Variants in AGMO observed in about 807,000 individuals in gnomAD.
AGMO encodes glyceryl-ether monooxygenase.
Under a neutral mutation model 60.2 loss-of-function variants are expected in AGMO, and 75 were observed. The ratio of observed to expected loss-of-function variants is 1.25; its 90% CI spans 1.03 to 1.51. AGMO has a LOEUF of 1.51. Among genes scored for constraint, AGMO ranks in the 40% most tolerant of loss-of-function variants. AGMO has a pLI of 0.00. For missense variants in AGMO, 763 were observed against 525.5 expected (o/e 1.45, Z -4.42); for synonymous variants, 261 against 177.1 (o/e 1.47, Z -3.76).
intron 12 of AGMO, among the ~76,000 whole-genome samples, chr7:15,321,118 T>A (rs1453731243): frequency 6.6e-6 from 1 of 152,190 alleles, no homozygotes; most frequent in Non-Finnish European, 1.5e-5. Flanking sequence ...CCACTATTTT[T>A]GTTGCTATTG....
chr7:15,368,547 G>A (rs1054136131), intron 10 of AGMO, among the ~76,000 whole-genome samples: 4 of 152,052 alleles, frequency 2.6e-5, no homozygotes, highest in South Asian at 2.1e-4. Flanking sequence ...TCAGCTATGC[G>A]TTTGGTACAT....
At chr7:15,364,108 C>T (rs546552005) in intron 12 of AGMO, among the ~76,000 whole-genome samples, 7 of 151,890 alleles carry the variant, frequency 4.6e-5, no homozygotes, top group South Asian at 2.1e-4. Flanking sequence ...GTATGCTTCA[C>T]GGTTTAAATT....
intron 3 of AGMO, among the ~76,000 whole-genome samples, chr7:15,479,520 A>C (rs1176204164): frequency 2.6e-5 from 4 of 152,172 alleles, no homozygotes; most frequent in African/African-American, 9.7e-5. Flanking sequence ...GATTATGTAA[A>C]TATTTCCACA....
intron 5 of AGMO, among the ~76,000 whole-genome samples, chr7:15,416,032 T>C (rs199839629): frequency 7.9e-5 from 10 of 126,640 alleles, no homozygotes; most frequent in South Asian, 2.8e-4. Context: ...TTTTTCTTTT[T>C]TTTTTTTTTT....
chr7:15,284,314 CA>C (rs1784045031), intron 12 of AGMO, among the ~76,000 whole-genome samples: 1 of 151,788 alleles, frequency 6.6e-6, no homozygotes, highest in Non-Finnish European at 1.5e-5. Flanking sequence ...AAAACAAAAA[CA>C]AATTGATAGA....
At chr7:15,267,462 G>A (rs1200496304) in intron 12 of AGMO, among the ~76,000 whole-genome samples, 1 of 151,882 alleles carries the variant, frequency 6.6e-6, no homozygotes, top group African/African-American at 2.4e-5. Flanking sequence ...ACATTGACAT[G>A]CACCAAAAAT....
At chr7:15,437,777 T>C (rs1781442070) in intron 3 of AGMO, among the ~76,000 whole-genome samples, 2 of 152,122 alleles carry the variant, frequency 1.3e-5, no homozygotes, top group African/African-American at 4.8e-5. Flanking sequence ...CCTGACCTCG[T>C]GATCCGCCCG....
intron 10 of AGMO, among the ~76,000 whole-genome samples, chr7:15,375,312 A>G (rs1349540278): frequency 6.6e-6 from 1 of 151,004 alleles, no homozygotes; most frequent in Non-Finnish European, 1.5e-5. Flanking sequence ...CCTTTTCATT[A>G]TTTTCCAAAA....
intron 12 of AGMO, among the ~76,000 whole-genome samples, chr7:15,310,359 C>G (rs1190584017): frequency 6.6e-6 from 1 of 151,268 alleles, no homozygotes; most frequent in East Asian, 1.9e-4. Flanking sequence ...GGGGCCCCTG[C>G]AAAAAAAATT....
the AGMO span, among the ~76,000 whole-genome samples, chr7:15,188,614 A>G: frequency 6.6e-6 from 1 of 152,162 alleles, no homozygotes; most frequent in Non-Finnish European, 1.5e-5. Context: ...AGTATAGACA[A>G]TTAAGAATTT....
intron 12 of AGMO, among the ~76,000 whole-genome samples, chr7:15,344,494 G>C (rs960541751): frequency 2.6e-5 from 4 of 152,096 alleles, no homozygotes; most frequent in Admixed American, 1.3e-4. Context: ...GAGATCAGGA[G>C]TTCAAGATAA....
chr7:15,224,659 C>T (rs1782023343), intron 12 of AGMO, among the ~76,000 whole-genome samples: 1 of 151,998 alleles, frequency 6.6e-6, no homozygotes, highest in Admixed American at 6.6e-5. Flanking sequence ...CCCTTATTGC[C>T]TCATGTCCCT....
chr7:15,446,405 A>C (rs555877744), intron 3 of AGMO, among the ~76,000 whole-genome samples: 6 of 152,268 alleles, frequency 3.9e-5, no homozygotes, highest in South Asian at 2.1e-4. Context: ...ACCAAAAAAA[A>C]CCCCAGCTCT....
chr7:15,253,720 CT>C (rs1406963892), intron 12 of AGMO, among the ~76,000 whole-genome samples: 2 of 152,200 alleles, frequency 1.3e-5, no homozygotes, highest in African/African-American at 4.8e-5. Flanking sequence ...ATTCTCTCTT[CT>C]AGCTATTTGA....
rs73679473 is a variant in AGMO, at chr7:15,330,848, C to T, written c.1263+34666G>A. Reference sequence around the variant, plus strand: ...ATCTGCCAAATGGAAGTGTAGAAATCCGCTGACAAACTGGTCTTAATGATC... The same window carrying T: ...ATCTGCCAAATGGAAGTGTAGAAATTCGCTGACAAACTGGTCTTAATGATC... On this transcript the variant is annotated intron_variant, in intron 12 of 12. Transcript: ENST00000342526. Among the ~76,000 whole-genome samples the T allele has an allele frequency of 7.1e-3, 1,087 of 152,082 alleles. 11 individuals are homozygous for T. The highest frequency in any genetic ancestry group is 0.025 in the African/African-American group (1,032 of 41,486).
intron 10 of AGMO, among the ~76,000 whole-genome samples, chr7:15,373,376 A>G (rs931789083): frequency 1.3e-5 from 2 of 152,180 alleles, no homozygotes; most frequent in South Asian, 4.1e-4. Context: ...GCAGAACCCT[A>G]TCTACTCCAA....
chr7:15,448,178 A>G (rs976713372), intron 3 of AGMO, among the ~76,000 whole-genome samples: 4 of 152,180 alleles, frequency 2.6e-5, no homozygotes, highest in African/African-American at 9.7e-5. Flanking sequence ...CAAAACTCAT[A>G]TGTTGAAATC....
rs575047937 is a variant in AGMO, at chr7:15,541,204, C to A, written c.409+3568G>T. ...GTGGAACGGTCTTGGCTCACTGCAA[C>A]CTCCGGCTCCCGGGTTCAAGCAATT... On this transcript the variant is annotated intron_variant, in intron 3 of 12. Coordinates refer to ENST00000342526, the MANE Select transcript of AGMO (RefSeq NM_001004320.2). 5.3e-5 allele frequency among the ~76,000 whole-genome samples: 8 copies of A among 152,210 alleles called. No homozygotes were observed. The East Asian group carries it at 1.2e-3, about 22-fold the overall frequency.
chr7:15,199,271 T>G (rs557042814), downstream of AGMO, among the ~76,000 whole-genome samples: 1 of 152,298 alleles, frequency 6.6e-6, no homozygotes, highest in East Asian at 1.9e-4. Context: ...TCTGTATTTC[T>G]AATAGAAAAC....
Sources: allele counts gnomAD v4.1 joint callset (sites outside exome capture counted in the v4.1 genomes callset), GRCh38; gene constraint gnomAD v4.1.1; transcripts MANE v1.5; gene names NCBI Gene and HGNC (gene_info 2026-07-23, HGNC 2026-07-21).